ATP8A2: variants seen among roughly 807,000 people sequenced by gnomAD.
ATP8A2 encodes the protein phospholipid-transporting ATPase IB.
In ATP8A2, 100 loss-of-function variants were observed where a neutral mutation model predicts 165.6. The observed-to-expected ratio is 0.60, with a 90% CI of 0.51 to 0.71. The LOEUF (loss-of-function observed/expected upper bound fraction) is 0.71. Ranked by LOEUF, ATP8A2 falls within the 30% of genes least tolerant of loss-of-function variation. ATP8A2 has a pLI of 0.00. For synonymous variants in ATP8A2, 543 were observed against 548.8 expected (o/e 0.99, Z 0.15); for missense variants, 1,227 against 1,479.5 (o/e 0.83, Z 2.80).
chr13:25,567,292 C>T (rs1336187125), intron 16 of ATP8A2: 1 of 456,486 alleles, frequency 2.2e-6, no homozygotes, highest in Non-Finnish European at 4.4e-6. Flanking sequence ...CTGAGCACAG[C>T]TAATACCTCT....
intron 1 of ATP8A2, among the ~76,000 whole-genome samples, chr13:25,382,452 G>T (rs946770650): frequency 6.6e-6 from 1 of 152,180 alleles, no homozygotes; most frequent in Non-Finnish European, 1.5e-5. Context: ...AAATTCCAAG[G>T]AGTGTGATTG....
At chr13:25,743,665 G>T (rs2043965902) in intron 25 of ATP8A2, among the ~76,000 whole-genome samples, 2 of 152,228 alleles carry the variant, frequency 1.3e-5, no homozygotes, top group Admixed American at 1.3e-4. Flanking sequence ...ACGCCTGAAG[G>T]AATTTTAGAC....
At chr13:25,627,108 T>C (rs1039338148) in intron 24 of ATP8A2, among the ~76,000 whole-genome samples, 2 of 151,848 alleles carry the variant, frequency 1.3e-5, no homozygotes, top group Non-Finnish European at 2.9e-5. Flanking sequence ...GAGTCCTCAG[T>C]GAGGAGCTAT....
In ATP8A2 at chr13:25,566,503, G is replaced by A. The variant is rs2039318174; in HGVS notation, c.1473+2472G>A. ...CAAAGGTGGGCAACTGAATATGTCT[G>A]TTCAAGTTAGGATGGTGAATGGAAA... On this transcript the variant is annotated intron_variant, in intron 16 of 36. Transcript: ENST00000381655. 2.0e-5 allele frequency among the ~76,000 whole-genome samples: 3 copies of A among 152,220 alleles called. 1 individual carries two copies. Among genetic ancestry groups the A allele is most frequent in the Non-Finnish European group, 4.4e-5 (3 of 68,036 alleles).
At chr13:25,491,959 G>C (rs1473851241) in intron 2 of ATP8A2, among the ~76,000 whole-genome samples, 1 of 152,194 alleles carries the variant, frequency 6.6e-6, no homozygotes, top group Non-Finnish European at 1.5e-5. Context: ...TTGTTACATA[G>C]ATATAAAAAC....
intron 1 of ATP8A2, among the ~76,000 whole-genome samples, chr13:25,378,864 A>G (rs1050357142): frequency 6.6e-6 from 1 of 152,238 alleles, no homozygotes; most frequent in Non-Finnish European, 1.5e-5. Context: ...CTGTGAGAAC[A>G]AAGATAATAA....
chr13:25,974,919 C>A (rs922983362), intron 35 of ATP8A2, among the ~76,000 whole-genome samples: 1 of 152,176 alleles, frequency 6.6e-6, no homozygotes, highest in Non-Finnish European at 1.5e-5. Context: ...ACAGCCTCAT[C>A]ATGCCACCTT....
chr13:25,710,003 G>A (rs1043539201), intron 25 of ATP8A2, among the ~76,000 whole-genome samples: 3 of 152,096 alleles, frequency 2.0e-5, no homozygotes, highest in African/African-American at 7.2e-5. Context: ...TCATCGCTGG[G>A]TGTCTTGCAT....
At position 25,510,250 on chromosome 13, in the gene ATP8A2, C is replaced by A. The variant is rs1238788663; in HGVS notation, c.222-19749C>A. 1.3e-5 allele frequency among the ~76,000 whole-genome samples: 2 copies of A among 150,914 alleles called. 1 individual carries two copies. The highest frequency in any genetic ancestry group is 2.9e-5 in the Non-Finnish European group (2 of 67,886). Reference sequence around the variant, plus strand: ...AATGTTGAAATAAATGGATGGATTACAGATTGTACACTTTGGGTAGACATG... The same window carrying A: ...AATGTTGAAATAAATGGATGGATTAAAGATTGTACACTTTGGGTAGACATG... On this transcript the variant is annotated intron_variant, in intron 2 of 36. Coordinates refer to ENST00000381655, the MANE Select transcript of ATP8A2 (RefSeq NM_016529.6).
chr13:25,970,579 T>G (rs1470867849), intron 35 of ATP8A2, among the ~76,000 whole-genome samples: 1 of 152,244 alleles, frequency 6.6e-6, no homozygotes. Context: ...TGAGGCCTTG[T>G]GCAGGATATT....
At chr13:25,615,602 T>C (rs2040802966) in intron 24 of ATP8A2, among the ~76,000 whole-genome samples, 1 of 152,172 alleles carries the variant, frequency 6.6e-6, no homozygotes, top group Non-Finnish European at 1.5e-5. Flanking sequence ...TTATTACAAA[T>C]TCAGCTGGAG....
chr13:25,778,767 T>G (rs2044800506), intron 27 of ATP8A2, among the ~76,000 whole-genome samples: 2 of 152,238 alleles, frequency 1.3e-5, no homozygotes, highest in Non-Finnish European at 2.9e-5. Flanking sequence ...CTCTGCGATC[T>G]GGGTTCCAAC....
intron 33 of ATP8A2, among the ~76,000 whole-genome samples, chr13:25,874,655 G>A (rs180700461): frequency 2.6e-4 from 40 of 152,230 alleles, no homozygotes; most frequent in African/African-American, 9.1e-4. Context: ...AAAACAGCAC[G>A]GAGGTGGCTC....
chr13:25,574,883 A>G, intron 19 of ATP8A2, 26 bp downstream of exon 19: 3 of 1,286,010 alleles, frequency 2.3e-6, no homozygotes, highest in Non-Finnish European at 3.4e-6. Flanking sequence ...ATACGTTTGA[A>G]ATAAAATAAT....
intron 30 of ATP8A2, among the ~76,000 whole-genome samples, chr13:25,854,520 T>C (rs1409838110): frequency 2.6e-5 from 4 of 152,046 alleles, no homozygotes; most frequent in Non-Finnish European, 5.9e-5. Flanking sequence ...AGAGATAGGG[T>C]TACCCAGGCT....
intron 25 of ATP8A2, among the ~76,000 whole-genome samples, chr13:25,748,269 G>GAT (rs2044078312): frequency 6.6e-6 from 1 of 152,202 alleles, no homozygotes; most frequent in Non-Finnish European, 1.5e-5. Context: ...TCATGTTGAA[G>GAT]ATATTTCAGC....
intron 25 of ATP8A2, among the ~76,000 whole-genome samples, chr13:25,712,206 C>T (rs1016640261): frequency 2.6e-5 from 4 of 152,168 alleles, no homozygotes; most frequent in African/African-American, 9.7e-5. Flanking sequence ...ATTTATTAGA[C>T]TGCTCTTTGA....
At position 25,649,209 on chromosome 13, in the gene ATP8A2, A is replaced by G. The variant is rs1189070123; in HGVS notation, c.2212-49964A>G. Among the ~76,000 whole-genome samples, 10 of 152,184 alleles carry G rather than the reference A, an allele frequency of 6.6e-5. 1 individual carries two copies. The highest frequency in any genetic ancestry group is 6.3e-3 in the Middle Eastern group (2 of 316). On this transcript the variant is annotated intron_variant, in intron 24 of 36. Coordinates refer to ENST00000381655, the MANE Select transcript of ATP8A2 (RefSeq NM_016529.6). The stretch of plus-strand genomic sequence containing the variant: ...AATTCTGGTTGGGCTAGCTGGTAAC[A>G]GCCTTGGGCAGGCAGAGCTTATTTT...
intron 24 of ATP8A2, among the ~76,000 whole-genome samples, chr13:25,624,444 T>A (rs1212591151): frequency 6.6e-6 from 1 of 152,200 alleles, no homozygotes; most frequent in Non-Finnish European, 1.5e-5. Flanking sequence ...CTCTACCTTT[T>A]TTATTTCACT....
Sources: allele counts gnomAD v4.1 joint callset (sites outside exome capture counted in the v4.1 genomes callset), GRCh38; gene constraint gnomAD v4.1.1; transcripts MANE v1.5; gene names NCBI Gene and HGNC (gene_info 2026-07-23, HGNC 2026-07-21).